MORN4: variants seen among roughly 807,000 people sequenced by gnomAD.
The protein encoded by MORN4 is MORN repeat-containing protein 4.
Under a neutral mutation model 16.4 loss-of-function variants are expected in MORN4, and 8 were observed. That is an observed-to-expected ratio of 0.49 (90% CI 0.29 to 0.88). The LOEUF (loss-of-function observed/expected upper bound fraction) is 0.88, where lower values mean the gene tolerates loss of function less well. MORN4 is among the 40% of genes least tolerant of loss of function. The pLI, the probability that MORN4 is intolerant of heterozygous loss-of-function variation, is 0.09. For synonymous variants in MORN4, 53 were observed against 68.9 expected, an observed-to-expected ratio of 0.77 and a Z score of 1.14; for missense variants, 159 against 182.9, an observed-to-expected ratio of 0.87 and a Z score of 0.75.
chr10:97,622,613 T>C (rs12763510), intron 1 of MORN4, among the ~76,000 whole-genome samples: 1 of 147,712 alleles, frequency 6.8e-6, no homozygotes, highest in African/African-American at 2.6e-5. Context: ...AAGGATCGCT[T>C]GAACCCAGGA....
intron 1 of MORN4, among the ~76,000 whole-genome samples, chr10:97,631,975 G>A (rs764363650): frequency 1.3e-5 from 2 of 152,010 alleles, no homozygotes; most frequent in Admixed American, 6.6e-5. Flanking sequence ...AAAACAAAAG[G>A]TTGGGGCGGT....
chr10:97,619,699 A>G lies in MORN4; in HGVS notation c.-30-16T>C. On this transcript the variant is annotated splice_polypyrimidine_tract_variant and intron_variant, in intron 1 of 4. Coordinates refer to ENST00000307450, the MANE Select transcript of MORN4 (RefSeq NM_178832.4). ...AAGGATGAAACTGTAGGAAATAAGC[A>G]AAGGAGAACCAGTGTCATGGAATGG... is the stretch of plus-strand genomic sequence containing the variant. 6.3e-7 allele frequency: 1 copy of G among 1,597,044 alleles called. No individual in the cohort carries two copies. The highest frequency in any genetic ancestry group is 8.6e-7 in the Non-Finnish European group (1 of 1,164,464).
Position 97,633,485 on chromosome 10 carries a change from C to T in MORN4, c.-169G>A. ...CGATTGCCCCACTTGACGCCGCCAT[C>T]CTGGGCGACCGCACTGGGTACAATT... On this transcript the variant is annotated 5_prime_UTR_variant, in exon 1 of 5. Coordinates refer to ENST00000307450, the MANE Select transcript of MORN4 (RefSeq NM_178832.4). The surrounding 1 kb of genome is among the most constrained non-coding windows in gnomAD (Gnocchi z 4.5). 3 of 1,289,920 alleles carry T rather than the reference C, an allele frequency of 2.3e-6. No homozygotes were observed. Among genetic ancestry groups the T allele is most frequent in the Non-Finnish European group, 3.0e-6 (3 of 988,894 alleles). 79.9% of individuals were successfully genotyped at this position (1,289,920 alleles called of 1,614,324 possible).
intron 2 of MORN4, among the ~76,000 whole-genome samples, chr10:97,617,785 G>A (rs1379347491): frequency 1.3e-5 from 2 of 151,962 alleles, no homozygotes; most frequent in Admixed American, 6.6e-5. Flanking sequence ...ACTTGAACCC[G>A]GGAGGCAGAG....
At chr10:97,624,158 G>C (rs2041329009) in intron 1 of MORN4, among the ~76,000 whole-genome samples, 2 of 152,142 alleles carry the variant, frequency 1.3e-5, no homozygotes, top group African/African-American at 4.8e-5. Flanking sequence ...GGGTTCCATA[G>C]TTTCATAGCA....
At chr10:97,622,160 A>G (rs2041302844) in intron 1 of MORN4, among the ~76,000 whole-genome samples, 1 of 152,170 alleles carries the variant, frequency 6.6e-6, no homozygotes, top group African/African-American at 2.4e-5. Flanking sequence ...TAGCGACCAC[A>G]GACTCACAGG....
At chr10:97,633,655 C>T (rs2041417745), upstream of MORN4, 4 of 1,269,514 alleles carry the variant, frequency 3.2e-6, no homozygotes, top group Non-Finnish European at 4.1e-6. The surrounding 1 kb of genome is among the most constrained non-coding windows in gnomAD (Gnocchi z 4.5). Flanking sequence ...CCCACCTCTG[C>T]AACGCAGATA....
Position 97,633,245 on chromosome 10 carries a change from A to C in MORN4, c.-31+102T>G. On this transcript the variant is annotated intron_variant, in intron 1 of 4. Coordinates refer to ENST00000307450, the MANE Select transcript of MORN4 (RefSeq NM_178832.4). The surrounding 1 kb of genome is among the most constrained non-coding windows in gnomAD (Gnocchi z 4.5). ...CCTCAGGTCAGCGTATCCGAGGTGG[A>C]GCCGCGCCCCCGAGCCGGGTCATCT... The C allele has an allele frequency of 6.6e-6, 8 of 1,217,434 alleles. No homozygotes were observed. Among genetic ancestry groups the C allele is most frequent in the Non-Finnish European group, 8.5e-6 (8 of 942,952 alleles). The allele number at this position is 1,217,434 out of a possible 1,614,324, so 75.4% of individuals were successfully genotyped here.
chr10:97,617,833 C>T (rs550051647), intron 2 of MORN4, among the ~76,000 whole-genome samples: 4 of 151,468 alleles, frequency 2.6e-5, no homozygotes, highest in African/African-American at 7.3e-5. Flanking sequence ...GCACTCCAGC[C>T]TGTCGACAGA....
chr10:97,633,448 C>A lies in MORN4; in HGVS notation c.-132G>T. The A allele has an allele frequency of 7.8e-7, 1 of 1,289,912 alleles. No homozygotes were observed. The highest frequency in any genetic ancestry group is 1.0e-6 in the Non-Finnish European group (1 of 988,896). 79.9% of individuals were successfully genotyped at this position (1,289,912 alleles called of 1,614,324 possible). On this transcript the variant is annotated 5_prime_UTR_variant, in exon 1 of 5. Coordinates refer to ENST00000307450, the MANE Select transcript of MORN4 (RefSeq NM_178832.4). The surrounding 1 kb of genome is among the most constrained non-coding windows in gnomAD (Gnocchi z 4.5). ...TCCCGGCTGCCACCTTGCTCTCCGC[C>A]ACCTCCACCAGCGATTGCCCCACTT...
At chr10:97,631,844 A>G (rs1179648688) in intron 1 of MORN4, among the ~76,000 whole-genome samples, 2 of 152,162 alleles carry the variant, frequency 1.3e-5, no homozygotes, top group Non-Finnish European at 2.9e-5. Flanking sequence ...CTGAGGTAGG[A>G]GGATTGCTTG....
chr10:97,633,455 AC>A lies in MORN4; in HGVS notation c.-140del. On this transcript the variant is annotated 5_prime_UTR_variant, in exon 1 of 5. It introduces an in-frame stop codon into an upstream open reading frame of the 5' UTR. Transcript: ENST00000307450. This position sits in a 1 kb window ranked among gnomAD's most constrained non-coding sequence, Gnocchi z 4.5. ...TGCCACCTTGCTCTCCGCCACCTCCACCAGCGATTGCCCCACTTGACGCCGC... is the reference window on the plus strand; with the variant it reads ...TGCCACCTTGCTCTCCGCCACCTCCACAGCGATTGCCCCACTTGACGCCGC... 7.8e-7 allele frequency: 1 copy of A among 1,289,736 alleles called. No individual in the cohort carries two copies. Among genetic ancestry groups the A allele is most frequent in the Non-Finnish European group, 1.0e-6 (1 of 988,858 alleles). The allele number at this position is 1,289,736 out of a possible 1,614,324, so 79.9% of individuals were successfully genotyped here.
In MORN4 at chr10:97,617,330, A is replaced by C. The variant is rs2041245290; in HGVS notation, c.68-8T>G. 1.2e-6 allele frequency: 2 copies of C among 1,612,932 alleles called. No individual in the cohort carries two copies. Among genetic ancestry groups the C allele is most frequent in the Non-Finnish European group, 1.7e-6 (2 of 1,178,920 alleles). ...CAAAACCATGCCTGCGGCCTGAACAAAGAGAAGGATAGGTGTCAGGTTGGA... is the reference window on the plus strand; with the variant it reads ...CAAAACCATGCCTGCGGCCTGAACACAGAGAAGGATAGGTGTCAGGTTGGA... On this transcript the variant is annotated splice_region_variant and splice_polypyrimidine_tract_variant and intron_variant, in intron 2 of 4. Transcript: ENST00000307450.
intron 1 of MORN4, among the ~76,000 whole-genome samples, chr10:97,631,189 C>T (rs911085632): frequency 3.3e-5 from 5 of 152,156 alleles, no homozygotes; most frequent in Non-Finnish European, 5.9e-5. Flanking sequence ...GTATTTCTAT[C>T]AGTTATCCAA....
chr10:97,624,748 T>C (rs1331336249), intron 1 of MORN4, among the ~76,000 whole-genome samples: 1 of 152,146 alleles, frequency 6.6e-6, no homozygotes, highest in Admixed American at 6.5e-5. Context: ...GGAGTTTCAC[T>C]GTTATTCTTC....
intron 1 of MORN4, among the ~76,000 whole-genome samples, chr10:97,623,910 T>C (rs1002923409): frequency 6.6e-6 from 1 of 151,914 alleles, no homozygotes; most frequent in Non-Finnish European, 1.5e-5. Context: ...TAACTTTTTG[T>C]ATTTTTTAGT....
chr10:97,626,122 T>C (rs948424760), intron 1 of MORN4, among the ~76,000 whole-genome samples: 1 of 151,108 alleles, frequency 6.6e-6, no homozygotes, highest in African/African-American at 2.4e-5. Context: ...GGCTCACGCC[T>C]GTAATCCCAG....
At chr10:97,631,380 T>C (rs1482087985) in intron 1 of MORN4, among the ~76,000 whole-genome samples, 1 of 152,164 alleles carries the variant, frequency 6.6e-6, no homozygotes, top group East Asian at 1.9e-4. Flanking sequence ...TACTATTCTG[T>C]CCCTGTAAAC....
intron 1 of MORN4, among the ~76,000 whole-genome samples, chr10:97,627,042 T>C (rs1230967011): frequency 1.3e-5 from 2 of 151,158 alleles, no homozygotes; most frequent in African/African-American, 2.4e-5. Context: ...CAGGCATGAG[T>C]CACTGTGCCC....
Sources: allele counts gnomAD v4.1 joint callset (sites outside exome capture counted in the v4.1 genomes callset), GRCh38; gene constraint gnomAD v4.1.1; non-coding constraint Gnocchi (gnomAD v3.1); transcripts MANE v1.5; gene names NCBI Gene and HGNC (gene_info 2026-07-23, HGNC 2026-07-21).